The following DSP variants were observed in gnomAD, a reference collection of about 807,000 sequenced individuals.
DSP encodes the protein desmoplakin.
DSP carries 114 observed loss-of-function variants against 290.6 expected under a neutral mutation model. The observed-to-expected ratio is 0.39, with a 90% CI of 0.34 to 0.46. DSP has a LOEUF of 0.46. Among genes scored for constraint, DSP ranks in the 20% least tolerant of loss-of-function variants. The pLI is 0.99. For synonymous variants in DSP, 1,311 were observed against 1,316.4 expected, an observed-to-expected ratio of 1.00 and a Z score of 0.09; for missense variants, 3,230 against 3,495.8, an observed-to-expected ratio of 0.92 and a Z score of 1.92.
At chr6:7,550,662 A>G (rs2113645601) in intron 1 of DSP, among the ~76,000 whole-genome samples, 1 of 152,274 alleles carries the variant, frequency 6.6e-6, no homozygotes, top group East Asian at 1.9e-4. Flanking sequence ...TCTTTGTAAT[A>G]TGACTCATTT....
At chr6:7,550,032 C>T (rs1282113998) in intron 1 of DSP, among the ~76,000 whole-genome samples, 1 of 151,082 alleles carries the variant, frequency 6.6e-6, no homozygotes, top group Non-Finnish European at 1.5e-5. Flanking sequence ...TTTCCTTTAT[C>T]TTTCTGAATA....
intron 10 of DSP, 140 bp from the exon 11 acceptor site, chr6:7,568,297 G>A (rs562775881): frequency 6.3e-5 from 61 of 964,678 alleles, no homozygotes; most frequent in East Asian, 2.1e-4. Context: ...GTTTCCTGCC[G>A]ACGAATTTGT....
chr6:7,572,581 C>T (rs1483450514), intron 15 of DSP, among the ~76,000 whole-genome samples: 1 of 152,184 alleles, frequency 6.6e-6, no homozygotes, highest in Non-Finnish European at 1.5e-5. Context: ...TGAGGCCATA[C>T]TCAAGAAAGA....
At position 7,582,675 on chromosome 6, in the gene DSP, T is replaced by C. The variant is rs746731287; in HGVS notation, c.5413T>C (p.Cys1805Arg). ...SNRIQESKNQ[C>R]TQVVQERESL... is the part of the protein sequence containing the mutation. ...TAGGATTCAGGAATCAAAGAATCAGTGTACTCAGGTGGTACAGGAAAGAGA... is the reference window on the plus strand; with the variant it reads ...TAGGATTCAGGAATCAAAGAATCAGCGTACTCAGGTGGTACAGGAAAGAGA... Residue 1805 changes from cysteine (C) to arginine (R), a missense_variant, in exon 24 of 24, where the codon TGT becomes CGT. This residue lies in a region of DSP where 1,714 missense variants were observed against 1,844.5 expected (regional missense o/e 0.93). Coordinates refer to ENST00000379802, the MANE Select transcript of DSP (RefSeq NM_004415.4). This position sits in a 1 kb window ranked among gnomAD's most constrained non-coding sequence, Gnocchi z 4.2. The C allele has an allele frequency of 1.2e-6, 2 of 1,613,776 alleles. No individual in the cohort carries two copies. The highest frequency in any genetic ancestry group is 4.5e-5 in the East Asian group (2 of 44,882).
Position 7,585,001 on chromosome 6 carries a change from A to T in DSP, c.7739A>T (p.Asp2580Val), listed in dbSNP as rs1561704242. Residue 2580 changes from aspartate to valine, a missense_variant, in exon 24 of 24, where the codon GAT (aspartate) becomes GTT (valine). By Grantham distance (152) the Asp-to-Val change is radical. This residue lies in a region of DSP where 582 missense variants were observed against 555.4 expected (regional missense o/e 1.05). Coordinates refer to ENST00000379802, the MANE Select transcript of DSP (RefSeq NM_004415.4). ...SSSMGSGVSD[D>V]VFSSSRHESV... Reference sequence around the variant, plus strand: ...AGCATGGGCAGTGGTGTCAGCGATGATGTTTTTAGCAGCTCCCGACATGAA... The same window carrying T: ...AGCATGGGCAGTGGTGTCAGCGATGTTGTTTTTAGCAGCTCCCGACATGAA... The T allele has an allele frequency of 6.2e-7, 1 of 1,614,206 alleles. No homozygotes were observed. Among genetic ancestry groups the T allele is most frequent in the East Asian group, 2.2e-5 (1 of 44,884 alleles).
chr6:7,568,532 C>G lies in DSP; in HGVS notation c.1362C>G (p.Asp454Glu), dbSNP rs778044416. The G allele has an allele frequency of 6.2e-7, 1 of 1,614,122 alleles. No individual in the cohort carries two copies. Among genetic ancestry groups the G allele is most frequent in the South Asian group, 1.1e-5 (1 of 91,076 alleles). ...KIVQLKPRNP[D>E]YRSNKPIILR... ...TACAGCTGAAGCCTCGTAACCCAGACTACAGAAGCAATAAACCCATTATTC... is the reference window on the plus strand; with the variant it reads ...TACAGCTGAAGCCTCGTAACCCAGAGTACAGAAGCAATAAACCCATTATTC... The change falls in exon 11 of 24, where the codon GAC becomes GAG. Residue 454 changes from aspartate to glutamate, a missense_variant. Around this residue, in one of 5 missense-constraint regions of DSP, gnomAD observed 646 missense variants for 684.3 expected, o/e 0.94. Coordinates refer to ENST00000379802, the MANE Select transcript of DSP (RefSeq NM_004415.4).
Position 7,581,494 on chromosome 6 carries a change from G to A in DSP, c.5304G>A (p.Gly1768=), listed in dbSNP as rs530612211. 3 of 1,613,854 alleles carry A rather than the reference G, an allele frequency of 1.9e-6. No individual in the cohort carries two copies. In the African/African-American group the frequency reaches 4.0e-5, roughly 22 times the overall value. ...ISNNRTLELQ[G]LINDLQRERE... is the part of the protein sequence containing the mutation. ...ACAACCGGACCCTGGAACTGCAGGGGCTGATTAATGATTTACAGAGAGAGA... is the reference window on the plus strand; with the variant it reads ...ACAACCGGACCCTGGAACTGCAGGGACTGATTAATGATTTACAGAGAGAGA... Residue 1768 remains glycine (G), a synonymous_variant, in exon 23 of 24, where the codon GGG becomes GGA. Transcript: ENST00000379802.
At chr6:7,581,645 C>T (rs1759444602) in intron 23 of DSP, 76 bp downstream of exon 23, 1 of 1,579,958 alleles carries the variant, frequency 6.3e-7, no homozygotes, top group South Asian at 1.1e-5. Flanking sequence ...CTGAACTGTG[C>T]TCTTTCTGCT....
Position 7,579,293 on chromosome 6 carries a change from G to C in DSP, c.3103G>C (p.Glu1035Gln), listed in dbSNP as rs760307890. 3 of 1,614,114 alleles carry C rather than the reference G, an allele frequency of 1.9e-6. No homozygotes were observed. The South Asian group carries it at 3.3e-5, about 18-fold the overall frequency. ...TCCACAGCTGAAAAATACCAAGATC[G>C]AAGTTTTGGAAGAGGAGCTCAGACT... Reference protein sequence around the residue: ...EDLKLKNTKIEVLEEELRLAR... With the variant: ...EDLKLKNTKIQVLEEELRLAR... Residue 1035 changes from glutamate to glutamine, a missense_variant, in exon 23 of 24, where the codon GAA becomes CAA. This residue lies in a region of DSP where 1,714 missense variants were observed against 1,844.5 expected (regional missense o/e 0.93). Coordinates refer to ENST00000379802, the MANE Select transcript of DSP (RefSeq NM_004415.4). This position sits in a 1 kb window ranked among gnomAD's most constrained non-coding sequence, Gnocchi z 4.1.
chr6:7,543,530 C>A (rs983364111), intron 1 of DSP, among the ~76,000 whole-genome samples: 2 of 148,594 alleles, frequency 1.3e-5, no homozygotes, highest in African/African-American at 5.0e-5. Context: ...CTTGGGTTTT[C>A]ATTACATTTG....
rs755233649 is a variant in DSP at position 7,581,173 on chromosome 6, C to T, written c.4983C>T (p.Val1661=). The change falls in exon 23 of 24, where the codon GTC becomes GTT. Residue 1661 remains valine (V), a synonymous_variant. Transcript: ENST00000379802. ...QEELRRLSSE[V]EALRRQLLQE... ...AGCTGAGGAGGCTCTCTTCTGAGGT[C>T]GAGGCCCTGAGGCGGCAGTTACTCC... 98 of 1,614,122 alleles carry T rather than the reference C, an allele frequency of 6.1e-5. No individual in the cohort carries two copies. The highest frequency in any genetic ancestry group is 7.7e-5 in the Non-Finnish European group (91 of 1,180,032).
chr6:7,565,008 G>A lies in DSP; in HGVS notation c.778-351G>A, dbSNP rs181998126. Among the ~76,000 whole-genome samples the A allele has an allele frequency of 6.6e-6, 1 of 152,152 alleles. No individual in the cohort carries two copies. Among genetic ancestry groups the A allele is most frequent in the Admixed American group, 6.5e-5 (1 of 15,278 alleles). On this transcript the variant is annotated intron_variant, in intron 6 of 23. Coordinates refer to ENST00000379802, the MANE Select transcript of DSP (RefSeq NM_004415.4). The surrounding 1 kb of genome is among the most constrained non-coding windows in gnomAD (Gnocchi z 4.2). ...AAAATACAAAAATTAGCAGGACGTGGTGGTGCATGTCTGTAATCCCACCTA... is the reference window on the plus strand; with the variant it reads ...AAAATACAAAAATTAGCAGGACGTGATGGTGCATGTCTGTAATCCCACCTA...
Position 7,569,213 on chromosome 6 carries a change from A to G in DSP, c.1447A>G (p.Ile483Val), listed in dbSNP as rs1179539342. ...AATCGTGCATAAGGGGGATGAGTGT[A>G]TCCTGAAGGACAACAACGAGCGCAG... ...QKIVHKGDEC[I>V]LKDNNERSKW... Residue 483 changes from isoleucine (I) to valine (V), a missense_variant, in exon 12 of 24, where the codon ATC becomes GTC. Physicochemically the swap from Ile to Val is conservative, Grantham distance 29 (BLOSUM62 3). Coordinates refer to ENST00000379802, the MANE Select transcript of DSP (RefSeq NM_004415.4). 2 of 1,614,226 alleles carry G rather than the reference A, an allele frequency of 1.2e-6. No homozygotes were observed. The highest frequency in any genetic ancestry group is 2.2e-5 in the South Asian group (2 of 91,086).
chr6:7,544,257 A>T (rs1304729340), intron 1 of DSP, among the ~76,000 whole-genome samples: 2 of 152,054 alleles, frequency 1.3e-5, no homozygotes, highest in Non-Finnish European at 2.9e-5. Flanking sequence ...TGCGTTTTCA[A>T]ATAATAGCGA....
intron 4 of DSP, among the ~76,000 whole-genome samples, chr6:7,561,174 G>A (rs185230340): frequency 6.7e-4 from 102 of 152,200 alleles, no homozygotes; most frequent in African/African-American, 2.3e-3. Flanking sequence ...GGCTGATCTC[G>A]AACTCCTGAC....
In DSP at chr6:7,582,408, T is replaced by C. The variant is rs1759467024; in HGVS notation, c.5380-234T>C. On this transcript the variant is annotated intron_variant, in intron 23 of 23. Transcript: ENST00000379802. The surrounding 1 kb of genome is among the most constrained non-coding windows in gnomAD (Gnocchi z 4.2). Reference sequence around the variant, plus strand: ...GGTCTGCAACTTACAGTTCCTTCTATAGAAAAAAATAGTAAGTATGAAGCC... The same window carrying C: ...GGTCTGCAACTTACAGTTCCTTCTACAGAAAAAAATAGTAAGTATGAAGCC... Among the ~76,000 whole-genome samples, 1 of 151,548 alleles carries C rather than the reference T, an allele frequency of 6.6e-6. No homozygotes were observed. The highest frequency in any genetic ancestry group is 2.4e-5 in the African/African-American group (1 of 41,312).
Position 7,555,826 on chromosome 6 carries a change from C to T in DSP, c.273+6C>T. On this transcript the variant is annotated splice_donor_region_variant and intron_variant, in intron 2 of 23. Transcript: ENST00000379802. Reference sequence around the variant, plus strand: ...CAGAGCTCATCGTGCAGCCTGTAAGCTTTCCCTGTTCCCATCGCTTCTCCC... The same window carrying T: ...CAGAGCTCATCGTGCAGCCTGTAAGTTTTCCCTGTTCCCATCGCTTCTCCC... 6.2e-7 allele frequency: 1 copy of T among 1,613,070 alleles called. No homozygotes were observed. Among genetic ancestry groups the T allele is most frequent in the Non-Finnish European group, 8.5e-7 (1 of 1,179,520 alleles).
chr6:7,550,414 A>G (rs1758304790), intron 1 of DSP, among the ~76,000 whole-genome samples: 1 of 152,190 alleles, frequency 6.6e-6, no homozygotes, highest in Non-Finnish European at 1.5e-5. Flanking sequence ...ATGCCTTAGG[A>G]CAGCTAGTTT....
chr6:7,583,539 A>G lies in DSP; in HGVS notation c.6277A>G (p.Ile2093Val). Residue 2093 changes from isoleucine to valine, a missense_variant, in exon 24 of 24, where the codon ATC (isoleucine) becomes GTC (valine). Physicochemically the swap from Ile to Val is conservative, Grantham distance 29. Around this residue, in one of 5 missense-constraint regions of DSP, gnomAD observed 1,714 missense variants for 1,844.5 expected, o/e 0.93. Coordinates refer to ENST00000379802, the MANE Select transcript of DSP (RefSeq NM_004415.4). The surrounding 1 kb of genome is among the most constrained non-coding windows in gnomAD (Gnocchi z 4.0). The part of the protein sequence containing the change: ...RQQIYAAEKA[I>V]TGFDDPFSGK... ...GCAGATATATGCAGCAGAAAAAGCT[A>G]TCACTGGTTTTGATGATCCATTTTC... is the stretch of plus-strand genomic sequence containing the variant. The G allele has an allele frequency of 6.2e-7, 1 of 1,614,186 alleles. No homozygotes were observed. Among genetic ancestry groups the G allele is most frequent in the Non-Finnish European group, 8.5e-7 (1 of 1,180,032 alleles).
Sources: allele counts gnomAD v4.1 joint callset (sites outside exome capture counted in the v4.1 genomes callset), GRCh38; gene constraint gnomAD v4.1.1; regional missense constraint gnomAD v4.1.1; non-coding constraint Gnocchi (gnomAD v3.1); transcripts MANE v1.5; gene names NCBI Gene and HGNC (gene_info 2026-07-23, HGNC 2026-07-21).